MYO1F: variants seen among roughly 807,000 people sequenced by gnomAD.
MYO1F encodes unconventional myosin-If.
Under a neutral mutation model 146.6 loss-of-function variants are expected in MYO1F, and 60 were observed. That is an observed-to-expected ratio of 0.41 (90% confidence interval 0.33 to 0.51). The LOEUF (loss-of-function observed/expected upper bound fraction) is 0.51, where lower values mean the gene tolerates loss of function less well. MYO1F is among the 20% of genes least tolerant of loss of function. The probability of loss-of-function intolerance (pLI) is 0.25; values close to 1 mark genes in which losing one functional copy is unlikely to be tolerated. For missense variants in MYO1F, 1,274 were observed against 1,534.3 expected (o/e 0.83, Z 2.83); for synonymous variants, 602 against 602.1 (o/e 1.00, Z 0.00).
At chr19:8,570,350 G>A (rs1042749581) in intron 1 of MYO1F, among the ~76,000 whole-genome samples, 1 of 150,706 alleles carries the variant, frequency 6.6e-6, no homozygotes, top group African/African-American at 2.4e-5. Flanking sequence ...GATTATAGGC[G>A]TGAGCCACTG....
At chr19:8,574,701 CTT>C (rs1168524264) in intron 1 of MYO1F, among the ~76,000 whole-genome samples, 2 of 46,200 alleles carry the variant, frequency 4.3e-5, no homozygotes, top group Non-Finnish European at 9.9e-5. Context: ...CTCTTTCTCT[CTT>C]TCTTTCTTTT....
At chr19:8,554,855 G>T in intron 2 of MYO1F, 112 bp from the exon 3 acceptor site, 2 of 1,020,486 alleles carry the variant, frequency 2.0e-6, no homozygotes, top group Non-Finnish European at 3.0e-6. Context: ...AGGTGGAAGA[G>T]ATGGAGATAA....
chr19:8,532,248 A>G (rs1972516940), intron 19 of MYO1F, among the ~76,000 whole-genome samples: 1 of 152,174 alleles, frequency 6.6e-6, no homozygotes, highest in Admixed American at 6.6e-5. Context: ...CTGCACAGCC[A>G]TCCGTAGCAG....
chr19:8,540,165 G>T, intron 15 of MYO1F, 137 bp from the exon 16 acceptor site: 2 of 647,324 alleles, frequency 3.1e-6, no homozygotes, highest in Non-Finnish European at 5.2e-6. Flanking sequence ...TGATGGGTGA[G>T]ATGCAGAGGG....
At chr19:8,542,022 G>T (rs1158783045) in intron 14 of MYO1F, 31 bp from the exon 15 acceptor site, 3 of 1,580,392 alleles carry the variant, frequency 1.9e-6, no homozygotes, top group Non-Finnish European at 1.7e-6. Flanking sequence ...GACAGTGAGG[G>T]ACTGAGAAAC....
intron 6 of MYO1F, 83 bp downstream of exon 6, chr19:8,553,056 C>T (rs1275770691): frequency 2.7e-5 from 35 of 1,288,862 alleles, no homozygotes; most frequent in South Asian, 3.6e-5. Context: ...CTTGGCAATA[C>T]GGGTGTGTGT....
intron 10 of MYO1F, 151 bp from the exon 11 acceptor site, chr19:8,548,468 G>A: frequency 1.4e-6 from 1 of 729,266 alleles, no homozygotes; most frequent in Non-Finnish European, 2.4e-6. Context: ...TGCCCTTCCT[G>A]GCTCTGTGTA....
At chr19:8,532,981 C>T (rs4804310) in intron 19 of MYO1F, among the ~76,000 whole-genome samples, 18,830 of 150,990 alleles carry the variant, frequency 0.12, 1,447 homozygotes, top group Admixed American at 0.18. Context: ...ATTAGCACTT[C>T]ACCCAGAGTG....
intron 8 of MYO1F, 80 bp from the exon 9 acceptor site, chr19:8,550,774 A>G: frequency 1.3e-6 from 2 of 1,598,718 alleles, no homozygotes; most frequent in Non-Finnish European, 1.7e-6. Flanking sequence ...GAGGGACCAC[A>G]GCACGGACTC....
chr19:8,522,599 C>G lies in MYO1F; in HGVS notation c.3050+35G>C, dbSNP rs201578688. 7.4e-4 allele frequency: 1,189 copies of G among 1,607,938 alleles called. 27 individuals carry two copies. In the Admixed American group the frequency reaches 0.019, roughly 26 times the overall value. On this transcript the variant is annotated intron_variant, in intron 26 of 27. Coordinates refer to ENST00000644032, the MANE Select transcript of MYO1F (RefSeq NM_012335.4). The stretch of plus-strand genomic sequence containing the variant: ...GCCCCAGACACTCCCCTACCCCCTG[C>G]CCACCTCCTGGAGCTGCCCTCCCAC...
chr19:8,537,185 C>T (rs1789282644), intron 16 of MYO1F, 130 bp from the exon 17 acceptor site: 2 of 677,620 alleles, frequency 3.0e-6, no homozygotes, highest in Non-Finnish European at 5.3e-6. Context: ...AACAGATAAG[C>T]CACAGGGGCC....
At chr19:8,544,141 G>A in intron 14 of MYO1F, 156 bp downstream of exon 14, 1 of 833,288 alleles carries the variant, frequency 1.2e-6, no homozygotes, top group South Asian at 1.5e-5. Flanking sequence ...TGGTTAGTAG[G>A]GGGTGGATTG....
chr19:8,539,420 A>G (rs1299223323), intron 16 of MYO1F, among the ~76,000 whole-genome samples: 1 of 151,826 alleles, frequency 6.6e-6, no homozygotes, highest in East Asian at 1.9e-4. Flanking sequence ...ATCTCAAAAA[A>G]AAAACCAAAC....
intron 1 of MYO1F, among the ~76,000 whole-genome samples, chr19:8,563,759 G>T (rs1037318228): frequency 1.3e-5 from 2 of 151,904 alleles, no homozygotes; most frequent in African/African-American, 2.4e-5. Flanking sequence ...CGATCCCCCT[G>T]CCTCAGCCTC....
chr19:8,536,591 C>T lies in MYO1F; in HGVS notation c.1806G>A (p.Lys602=). ...RPRDWEENRV[K]HQVEYLGLKE... ...TCAGGCCCAGGTATTCCACCTGGTG[C>T]TTGACTCTGGTGGGGAGGGTAGGCT... The change falls in exon 18 of 28, where the codon AAG becomes AAA. Residue 602 remains lysine (K), a synonymous_variant. Transcript: ENST00000644032. 2 of 1,338,616 alleles carry T rather than the reference C, an allele frequency of 1.5e-6. No homozygotes were observed. Among genetic ancestry groups the T allele is most frequent in the African/African-American group, 1.7e-5 (1 of 59,064 alleles). 82.9% of individuals were successfully genotyped at this position (1,338,616 alleles called of 1,614,324 possible).
chr19:8,539,288 C>T (rs895437090), intron 16 of MYO1F, among the ~76,000 whole-genome samples: 1 of 152,112 alleles, frequency 6.6e-6, no homozygotes, highest in African/African-American at 2.4e-5. Context: ...GTGGTGCATG[C>T]CTGTAATCCC....
At position 8,521,590 on chromosome 19, in the gene MYO1F, A is replaced by G; in HGVS notation, c.3235T>C (p.Trp1079Arg). Residue 1079 changes from tryptophan to arginine, a missense_variant, in exon 28 of 28, where the codon TGG becomes CGG. Physicochemically the swap from Trp to Arg is moderately radical, Grantham distance 101 (BLOSUM62 -3). Transcript: ENST00000644032. ...EILMEDPSGW[W>R]KGRLHGQEGL... ...TCCTGGCCGTGAAGCCGGCCCTTCC[A>G]CCAGCCCGAGGGATCTGTGGGAGAG... 1 of 1,614,008 alleles carries G rather than the reference A, an allele frequency of 6.2e-7. No homozygotes were observed. The highest frequency in any genetic ancestry group is 8.5e-7 in the Non-Finnish European group (1 of 1,179,966).
Position 8,521,430 on chromosome 19 carries a change from C to G in MYO1F, c.*98G>C. 1 of 1,311,790 alleles carries G rather than the reference C, an allele frequency of 7.6e-7. No individual in the cohort carries two copies. The highest frequency in any genetic ancestry group is 1.1e-6 in the Non-Finnish European group (1 of 918,356). The allele number at this position is 1,311,790 out of a possible 1,614,324, so 81.3% of individuals were successfully genotyped here. A position where few individuals can be genotyped will look rare whatever the true frequency, so the allele number is the denominator to read the frequency against. On this transcript the variant is annotated 3_prime_UTR_variant, in exon 28 of 28. Transcript: ENST00000644032. The stretch of plus-strand genomic sequence containing the variant: ...GGACTGGACTTTTAGGCTATTGCAG[C>G]CCAGGTAAACGAGGCTCTCATTGGC...
At chr19:8,566,389 G>A (rs1047398923) in intron 1 of MYO1F, among the ~76,000 whole-genome samples, 1 of 151,522 alleles carries the variant, frequency 6.6e-6, no homozygotes, top group African/African-American at 2.4e-5. Context: ...GGATGGTCTC[G>A]AGCTCCTGAT....
Sources: allele counts gnomAD v4.1 joint callset (sites outside exome capture counted in the v4.1 genomes callset), GRCh38; gene constraint gnomAD v4.1.1; transcripts MANE v1.5; gene names NCBI Gene and HGNC (gene_info 2026-07-23, HGNC 2026-07-21).